Variants in ANKRD27 observed in about 807,000 individuals in gnomAD.
The protein encoded by ANKRD27 is ankyrin repeat domain 27, also known as ankyrin repeat domain-containing protein 27.
Under a neutral mutation model 129.7 loss-of-function variants are expected in ANKRD27, and 112 were observed. The observed-to-expected ratio is 0.86, with a 90% CI of 0.74 to 1.01. The LOEUF (loss-of-function observed/expected upper bound fraction) is 1.01. ANKRD27 is among the 50% of genes least tolerant of loss of function. The pLI, the probability that ANKRD27 is intolerant of heterozygous loss-of-function variation, is 0.00. For missense variants in ANKRD27, 1,258 were observed against 1,300.5 expected (o/e 0.97, Z 0.50); for synonymous variants, 516 against 511.2 (o/e 1.01, Z -0.13).
chr19:32,613,791 C>T (rs948919504), intron 22 of ANKRD27, among the ~76,000 whole-genome samples: 4 of 149,476 alleles, frequency 2.7e-5, no homozygotes, highest in African/African-American at 5.0e-5. Context: ...TCACTGCAAG[C>T]CCTGCCTCCC....
chr19:32,620,881 G>C (rs1417719147), intron 18 of ANKRD27, among the ~76,000 whole-genome samples: 1 of 66,988 alleles, frequency 1.5e-5, no homozygotes, highest in Middle Eastern at 0.013. Context: ...GCCAAACCTT[G>C]TCTCAAAAAA....
intron 1 of ANKRD27, among the ~76,000 whole-genome samples, chr19:32,659,929 T>C (rs966318199): frequency 5.3e-5 from 8 of 151,830 alleles, no homozygotes; most frequent in African/African-American, 1.9e-4. Flanking sequence ...TCTACAAAAA[T>C]AAACAATAAA....
At chr19:32,609,567 G>C (rs963113775) in intron 22 of ANKRD27, among the ~76,000 whole-genome samples, 1 of 150,904 alleles carries the variant, frequency 6.6e-6, no homozygotes, top group African/African-American at 2.4e-5. Context: ...ACATGCGTTA[G>C]AATTCCACTT....
intron 25 of ANKRD27, among the ~76,000 whole-genome samples, chr19:32,603,500 A>G (rs1381827089): frequency 6.6e-6 from 1 of 152,212 alleles, no homozygotes; most frequent in Admixed American, 6.5e-5. Flanking sequence ...GCACTGGAGA[A>G]GGCAGTAGGC....
At chr19:32,646,034 C>T (rs1044075810) in intron 4 of ANKRD27, among the ~76,000 whole-genome samples, 3 of 151,370 alleles carry the variant, frequency 2.0e-5, no homozygotes, top group African/African-American at 7.3e-5. Context: ...TGGGTTCAAG[C>T]AATTCTCCTA....
At chr19:32,654,092 G>C (rs1967474356) in intron 2 of ANKRD27, among the ~76,000 whole-genome samples, 1 of 152,112 alleles carries the variant, frequency 6.6e-6, no homozygotes, top group Non-Finnish European at 1.5e-5. Flanking sequence ...AGTAGAGATA[G>C]GGTTTCACTA....
At chr19:32,657,711 C>T (rs778701261) in intron 2 of ANKRD27, among the ~76,000 whole-genome samples, 19 of 151,860 alleles carry the variant, frequency 1.3e-4, no homozygotes, top group Non-Finnish European at 2.1e-4. Context: ...CAGTGGCTCA[C>T]GCCTGTAATC....
intron 22 of ANKRD27, among the ~76,000 whole-genome samples, chr19:32,612,326 T>C (rs1375636890): frequency 6.6e-6 from 1 of 152,234 alleles, no homozygotes; most frequent in Non-Finnish European, 1.5e-5. Flanking sequence ...AGGTTTAATG[T>C]AATTCCTATC....
At chr19:32,599,880 G>T in intron 27 of ANKRD27, 92 bp downstream of exon 27, 1 of 1,510,178 alleles carries the variant, frequency 6.6e-7, no homozygotes, top group Non-Finnish European at 9.2e-7. Flanking sequence ...GTGCAGATTT[G>T]TCCATAACCA....
chr19:32,601,991 G>A (rs1971659910), intron 26 of ANKRD27, 24 bp downstream of exon 26: 2 of 1,480,950 alleles, frequency 1.4e-6, no homozygotes, highest in East Asian at 2.3e-5. Context: ...ACTTGAGCGT[G>A]ACAGAAAGAA....
intron 1 of ANKRD27, among the ~76,000 whole-genome samples, chr19:32,662,198 G>C (rs1967657164): frequency 6.6e-6 from 1 of 151,076 alleles, no homozygotes; most frequent in South Asian, 2.1e-4. Context: ...TGTTATCCCA[G>C]CTGCCTGGGA....
In ANKRD27 at chr19:32,626,985, T is replaced by A. The variant is rs1966896381; in HGVS notation, c.1421-158A>T. Among the ~76,000 whole-genome samples the A allele has an allele frequency of 4.6e-5, 7 of 152,112 alleles. No individual in the cohort carries two copies. The South Asian group carries it at 1.5e-3, about 32-fold the overall frequency. The stretch of plus-strand genomic sequence containing the variant: ...GAGAGGAACTACAGCTAATATAAAG[T>A]AAGGCTCCGCAGACTCCAGACATGT... On this transcript the variant is annotated intron_variant, in intron 15 of 28. Transcript: ENST00000306065.
intron 18 of ANKRD27, among the ~76,000 whole-genome samples, chr19:32,622,031 T>C (rs1972017430): frequency 1.3e-5 from 2 of 152,122 alleles, no homozygotes; most frequent in African/African-American, 2.4e-5. Context: ...TGTCCAGAAC[T>C]GGCCGAGTCT....
chr19:32,656,050 AAAAGAAAGAAAAG>A (rs1244361989), intron 2 of ANKRD27, among the ~76,000 whole-genome samples: 9 of 50,560 alleles, frequency 1.8e-4, no homozygotes, highest in South Asian at 7.0e-4. Context: ...GAAAAGAAAG[AAAAGAAAGAAAAG>A]AAAGAAAGAA....
At chr19:32,674,369 C>T (rs1200237655) in intron 1 of ANKRD27, among the ~76,000 whole-genome samples, 2 of 152,158 alleles carry the variant, frequency 1.3e-5, no homozygotes, top group Non-Finnish European at 1.5e-5. Flanking sequence ...AGCGAAGACC[C>T]GTCCCTTGCT....
chr19:32,651,800 C>T (rs1174080803), intron 2 of ANKRD27, among the ~76,000 whole-genome samples: 1 of 152,148 alleles, frequency 6.6e-6, no homozygotes, highest in African/African-American at 2.4e-5. Flanking sequence ...TCACTGCATC[C>T]CCACTGTCAA....
At chr19:32,665,909 C>T (rs1246180799) in intron 1 of ANKRD27, among the ~76,000 whole-genome samples, 1 of 151,428 alleles carries the variant, frequency 6.6e-6, no homozygotes, top group Non-Finnish European at 1.5e-5. Flanking sequence ...CTACAGACTA[C>T]ACGCCACAAC....
At chr19:32,652,944 A>G (rs1372062057) in intron 2 of ANKRD27, among the ~76,000 whole-genome samples, 1 of 152,098 alleles carries the variant, frequency 6.6e-6, no homozygotes, top group South Asian at 2.1e-4. Flanking sequence ...AAGAAAGAAG[A>G]AAAGAAAAGT....
At position 32,597,691 on chromosome 19, in the gene ANKRD27, T is replaced by C. The variant is rs1971590042; in HGVS notation, c.*454A>G. ...AGATATGACATTTCAGCCTGGCCTC[T>C]ACAGTACCATGAAACCTAAATTACT... On this transcript the variant is annotated 3_prime_UTR_variant, in exon 29 of 29. Coordinates refer to ENST00000306065, the MANE Select transcript of ANKRD27 (RefSeq NM_032139.3). The C allele has an allele frequency of 5.6e-6, 1 of 178,552 alleles. No individual in the cohort carries two copies. The highest frequency in any genetic ancestry group is 2.3e-5 in the African/African-American group (1 of 42,660). 11.1% of individuals were successfully genotyped at this position (178,552 alleles called of 1,614,324 possible). A position where few individuals can be genotyped will look rare whatever the true frequency, so the allele number is the denominator to read the frequency against.
Sources: gnomAD v4.1 joint callset for allele counts (sites outside exome capture counted in the v4.1 genomes callset) on GRCh38, gnomAD v4.1.1 for gene constraint, MANE v1.5 for transcripts, NCBI Gene and HGNC (gene_info 2026-07-23, HGNC 2026-07-21) for gene names.